Variants in ABRAXAS1 observed in about 807,000 individuals in gnomAD.
The protein encoded by ABRAXAS1 is BRCA1-A complex subunit Abraxas 1.
Under a neutral mutation model 38.4 loss-of-function variants are expected in ABRAXAS1, and 26 were observed. The ratio of observed to expected loss-of-function variants is 0.68; its 90% CI spans 0.50 to 0.94. ABRAXAS1 has a LOEUF of 0.94. ABRAXAS1 is among the 40% of genes least tolerant of loss of function. The probability of loss-of-function intolerance (pLI) is 0.00; values close to 1 mark genes in which losing one functional copy is unlikely to be tolerated. For synonymous variants in ABRAXAS1, 144 were observed against 165.5 expected (o/e 0.87, Z 1.00); for missense variants, 438 against 481.9 (o/e 0.91, Z 0.85).
chr4:83,468,766 C>T (rs573726945), intron 6 of ABRAXAS1, among the ~76,000 whole-genome samples: 1 of 152,148 alleles, frequency 6.6e-6, no homozygotes, highest in South Asian at 2.1e-4. Context: ...TCTCCAACTC[C>T]TCAGCTCAAG....
In ABRAXAS1 at chr4:83,461,578, A is replaced by G. The variant is rs1370705014; in HGVS notation, c.*891T>C. ...CATTGGGATGGATAGTGGTGCTGTC[A>G]CAGAAGGACAAAATATTCCTAGACG... is the stretch of plus-strand genomic sequence containing the variant. On this transcript the variant is annotated 3_prime_UTR_variant, in exon 9 of 9. Coordinates refer to ENST00000321945, the MANE Select transcript of ABRAXAS1 (RefSeq NM_139076.3). 6.7e-6 allele frequency: 2 copies of G among 297,190 alleles called. No homozygotes were observed. The highest frequency in any genetic ancestry group is 1.3e-5 in the Non-Finnish European group (2 of 155,192). 18.4% of individuals were successfully genotyped at this position (297,190 alleles called of 1,614,324 possible).
At chr4:83,465,780 ACT>A (rs1311434918) in intron 7 of ABRAXAS1, among the ~76,000 whole-genome samples, 1 of 152,182 alleles carries the variant, frequency 6.6e-6, no homozygotes, top group Non-Finnish European at 1.5e-5. Context: ...AGAGCAAGAC[ACT>A]GTCTCTAAAA....
Position 83,462,177 on chromosome 4 carries a change from G to C in ABRAXAS1, c.*292C>G, listed in dbSNP as rs1457561422. The stretch of plus-strand genomic sequence containing the variant: ...CTAAGTGCTGGGATTACAGGTGTGA[G>C]CCACTGTGCCTGGTCTCACTTTTCC... On this transcript the variant is annotated 3_prime_UTR_variant, in exon 9 of 9. Transcript: ENST00000321945. The C allele has an allele frequency of 2.9e-6, 1 of 346,324 alleles. No homozygotes were observed. Among genetic ancestry groups the C allele is most frequent in the Non-Finnish European group, 5.3e-6 (1 of 190,190 alleles). The allele number at this position is 346,324 out of a possible 1,614,324, so 21.5% of individuals were successfully genotyped here. A position where few individuals can be genotyped will look rare whatever the true frequency, so the allele number is the denominator to read the frequency against.
At position 83,461,426 on chromosome 4, in the gene ABRAXAS1, T is replaced by G; in HGVS notation, c.*1043A>C. ...TGGTTCTGTGTGATTGTCATTTATA[T>G]CTGATCCCCAAATAGCTCATACAAT... On this transcript the variant is annotated 3_prime_UTR_variant, in exon 9 of 9. Coordinates refer to ENST00000321945, the MANE Select transcript of ABRAXAS1 (RefSeq NM_139076.3). 2 of 486,662 alleles carry G rather than the reference T, an allele frequency of 4.1e-6. No individual in the cohort carries two copies. Among genetic ancestry groups the G allele is most frequent in the South Asian group, 2.4e-5 (1 of 41,630 alleles). 30.1% of individuals were successfully genotyped at this position (486,662 alleles called of 1,614,324 possible). A position where few individuals can be genotyped will look rare whatever the true frequency, so the allele number is the denominator to read the frequency against.
At chr4:83,477,834 A>G (rs1003492539) in intron 2 of ABRAXAS1, 1 of 802,168 alleles carries the variant, frequency 1.2e-6, no homozygotes, top group African/African-American at 1.7e-5. Context: ...CAAAGCTTGA[A>G]GCAATTATCT....
At chr4:83,474,734 TA>T (rs60145801) in intron 3 of ABRAXAS1, among the ~76,000 whole-genome samples, 14,529 of 147,442 alleles carry the variant, frequency 0.099, 2,426 homozygotes, top group African/African-American at 0.34. Flanking sequence ...AAAAAAGTAG[TA>T]AACAGTCTCA....
At chr4:83,482,125 T>G (rs778661379) in intron 2 of ABRAXAS1, 29 bp downstream of exon 2, 21 of 1,373,322 alleles carry the variant, frequency 1.5e-5, no homozygotes, top group Non-Finnish European at 2.2e-5. Context: ...ACACAGATGA[T>G]TCAAATATAG....
chr4:83,473,661 A>C (rs1722662911), intron 3 of ABRAXAS1, among the ~76,000 whole-genome samples: 1 of 151,834 alleles, frequency 6.6e-6, no homozygotes, highest in Non-Finnish European at 1.5e-5. Flanking sequence ...TGGGGACTAC[A>C]GGCATGCCAA....
intron 3 of ABRAXAS1, among the ~76,000 whole-genome samples, chr4:83,473,089 C>T (rs913505427): frequency 1.3e-5 from 2 of 151,898 alleles, no homozygotes; most frequent in African/African-American, 4.8e-5. Context: ...GACCAACCTG[C>T]GCAATGTGGC....
chr4:83,471,060 T>C (rs1462375761), intron 4 of ABRAXAS1, among the ~76,000 whole-genome samples: 1 of 152,182 alleles, frequency 6.6e-6, no homozygotes, highest in Admixed American at 6.5e-5. Flanking sequence ...TTTGCACATT[T>C]GAATTGAGGA....
intron 2 of ABRAXAS1, chr4:83,479,474 A>G (rs1416788628): frequency 2.6e-5 from 4 of 151,894 alleles, no homozygotes; most frequent in Admixed American, 1.3e-4. Flanking sequence ...CTAAAATGGC[A>G]TAAGTTTTCC....
At chr4:83,482,555 G>A (rs1017135933) in intron 1 of ABRAXAS1, among the ~76,000 whole-genome samples, 4 of 152,248 alleles carry the variant, frequency 2.6e-5, no homozygotes, top group Middle Eastern at 3.4e-3. Flanking sequence ...CAAAAAATAC[G>A]AGAAACATTA....
At chr4:83,482,590 T>C (rs370727910) in intron 1 of ABRAXAS1, among the ~76,000 whole-genome samples, 127 of 152,282 alleles carry the variant, frequency 8.3e-4, no homozygotes, top group African/African-American at 3.0e-3. Flanking sequence ...CACATGCCTG[T>C]AGTCCCAGCT....
chr4:83,461,399 A>ATCTATGTTGAATAAAT lies in ABRAXAS1; in HGVS notation c.*1069_*1070insATTTATTCAACATAGA, dbSNP rs1722109128. 2.3e-5 allele frequency: 12 copies of ATCTATGTTGAATAAAT among 532,940 alleles called. No individual in the cohort carries two copies. The Admixed American group carries it at 3.7e-4, about 17-fold the overall frequency. The allele number at this position is 532,940 out of a possible 1,614,324, so 33.0% of individuals were successfully genotyped here. A position where few individuals can be genotyped will look rare whatever the true frequency, so the allele number is the denominator to read the frequency against. ...TCACATTTTATCTATGTTGAATAAA[A>ATCTATGTTGAATAAAT]GTGGTTCTGTGTGATTGTCATTTAT... On this transcript the variant is annotated 3_prime_UTR_variant, in exon 9 of 9. Transcript: ENST00000321945.
intron 7 of ABRAXAS1, among the ~76,000 whole-genome samples, chr4:83,464,319 A>G (rs1229645427): frequency 1.3e-5 from 2 of 152,252 alleles, no homozygotes; most frequent in Non-Finnish European, 2.9e-5. Context: ...GATACTATTG[A>G]AGATTTTTTC....
In ABRAXAS1 at chr4:83,461,077, T is replaced by C. The variant is rs759956917; in HGVS notation, c.*1392A>G. ...CAACTGAATTGAGCTAGCTGAAATT[T>C]TGCTCATTATGTTTTGTCAAGAACT... On this transcript the variant is annotated 3_prime_UTR_variant, in exon 9 of 9. Transcript: ENST00000321945. The C allele has an allele frequency of 6.2e-7, 1 of 1,612,556 alleles. No individual in the cohort carries two copies. The highest frequency in any genetic ancestry group is 8.5e-7 in the Non-Finnish European group (1 of 1,178,758).
At chr4:83,463,749 T>C (rs1722240555) in intron 7 of ABRAXAS1, 141 bp from the exon 8 acceptor site, 1 of 438,092 alleles carries the variant, frequency 2.3e-6, no homozygotes, top group Non-Finnish European at 3.9e-6. Flanking sequence ...TTATTTATTT[T>C]CTGGAGGATG....
Position 83,470,223 on chromosome 4 carries a change from G to A in ABRAXAS1, c.456C>T (p.Ser152=). Residue 152 remains serine, a synonymous_variant, in exon 5 of 9, where the codon TCC becomes TCT. Transcript: ENST00000321945. The stretch of plus-strand genomic sequence containing the variant: ...TTTACCCTTTTTGAGGTTTATATAA[G>A]GAATGTTCCAGTCGATGAGTAGAGC... ...ESCSTHRLEH[S]LYKPQKGLFH... 2.5e-6 allele frequency: 4 copies of A among 1,612,904 alleles called. No homozygotes were observed. Among genetic ancestry groups the A allele is most frequent in the Non-Finnish European group, 3.4e-6 (4 of 1,179,342 alleles).
Position 83,469,167 on chromosome 4 carries a change from TTTAGAGTATAAAC to T in ABRAXAS1, c.477-29_477-17del. The stretch of plus-strand genomic sequence containing the variant: ...GTGAAAAAGTCTGACAAAATAAAAC[TTTAGAGTATAAAC>T]TTAGAATGAAAAGAAAGATTAGTAT... On this transcript the variant is annotated splice_polypyrimidine_tract_variant and intron_variant, in intron 5 of 8. Coordinates refer to ENST00000321945, the MANE Select transcript of ABRAXAS1 (RefSeq NM_139076.3). The T allele has an allele frequency of 1.9e-6, 3 of 1,609,762 alleles. No homozygotes were observed. The highest frequency in any genetic ancestry group is 1.7e-6 in the Non-Finnish European group (2 of 1,176,310).
Sources: allele counts gnomAD v4.1 joint callset (sites outside exome capture counted in the v4.1 genomes callset), GRCh38; gene constraint gnomAD v4.1.1; transcripts MANE v1.5; gene names NCBI Gene and HGNC (gene_info 2026-07-23, HGNC 2026-07-21).